Variants in RNF144B observed in about 807,000 individuals in gnomAD.
RNF144B encodes the protein ring finger protein 144B.
In RNF144B, 25 loss-of-function variants were observed where a neutral mutation model predicts 40.2. That is an observed-to-expected ratio of 0.62 (90% confidence interval 0.45 to 0.87). The LOEUF (loss-of-function observed/expected upper bound fraction) is 0.87. Ranked by LOEUF, RNF144B falls within the 40% of genes least tolerant of loss-of-function variation. RNF144B has a pLI of 0.00. For synonymous variants in RNF144B, 145 were observed against 136.3 expected (o/e 1.06, Z -0.44); for missense variants, 365 against 373.7 (o/e 0.98, Z 0.19).
chr6:18,427,628 T>A lies in RNF144B; in HGVS notation c.213T>A (p.Ser71=). The change falls in exon 3 of 8, where the codon TCT becomes TCA. Residue 71 remains serine (S), a synonymous_variant. Transcript: ENST00000259939. ...TGGCAATCCGAGAAGGATGTGGGTC[T>A]CCCATCACTTGCCCTGACATGGTGT... ...MQLAIREGCG[S]PITCPDMVCL... 6.2e-7 allele frequency: 1 copy of A among 1,613,816 alleles called. No homozygotes were observed. The highest frequency in any genetic ancestry group is 1.3e-5 in the African/African-American group (1 of 75,024).
At chr6:18,408,938 GT>G (rs3078245) in intron 2 of RNF144B, among the ~76,000 whole-genome samples, 7,008 of 143,724 alleles carry the variant, frequency 0.049, 203 homozygotes, top group South Asian at 0.15. Context: ...CCAGAAAAGT[GT>G]TTTTTTTTTT....
intron 1 of RNF144B, among the ~76,000 whole-genome samples, chr6:18,394,867 G>C (rs1208837985): frequency 6.6e-6 from 1 of 152,160 alleles, no homozygotes; most frequent in Non-Finnish European, 1.5e-5. Flanking sequence ...TAGAACTGCT[G>C]GTTCTCCTTT....
rs191993918 is a variant in RNF144B at position 18,466,403 on chromosome 6, G to A, written c.*1336G>A. On this transcript the variant is annotated 3_prime_UTR_variant, in exon 8 of 8. Coordinates refer to ENST00000259939, the MANE Select transcript of RNF144B (RefSeq NM_182757.4). ...TCTGTTTCAAGGCACTGATAAAACC[G>A]CAACAAAAACATGTAAGAAATAAAA... 20 of 151,958 alleles carry A rather than the reference G, an allele frequency of 1.3e-4. No individual in the cohort carries two copies. The highest frequency in any genetic ancestry group is 4.1e-4 in the South Asian group (2 of 4,828). The allele number at this position is 151,958 out of a possible 1,614,324, so 9.4% of individuals were successfully genotyped here.
chr6:18,401,007 C>T lies in RNF144B; in HGVS notation c.165+1308C>T, dbSNP rs528809713. Among the ~76,000 whole-genome samples, 3 of 152,272 alleles carry T rather than the reference C, an allele frequency of 2.0e-5. No individual in the cohort carries two copies. The East Asian group carries it at 5.8e-4, about 29-fold the overall frequency. On this transcript the variant is annotated intron_variant, in intron 2 of 7. Coordinates refer to ENST00000259939, the MANE Select transcript of RNF144B (RefSeq NM_182757.4). ...GTCTTGCTTTGTTTCTGAAGGCTGT[C>T]CTTCAAAACAATTATTTCTCTGACT...
At chr6:18,433,585 T>C (rs921861347) in intron 3 of RNF144B, among the ~76,000 whole-genome samples, 5 of 152,166 alleles carry the variant, frequency 3.3e-5, no homozygotes, top group East Asian at 1.9e-4. Flanking sequence ...GGATGATATA[T>C]GGAAAGATGA....
intron 2 of RNF144B, among the ~76,000 whole-genome samples, chr6:18,421,271 T>TAC (rs200527921): frequency 0.05 from 6,553 of 130,830 alleles, 201 homozygotes; most frequent in Admixed American, 0.064. Flanking sequence ...AATTATATAT[T>TAC]ATACACACAC....
intron 1 of RNF144B, among the ~76,000 whole-genome samples, chr6:18,387,996 C>T (rs1477400098): frequency 1.3e-5 from 2 of 152,108 alleles, no homozygotes; most frequent in Non-Finnish European, 2.9e-5. Flanking sequence ...GCTAATGAAA[C>T]AGTGAAACTC....
chr6:18,461,500 A>C (rs1422826712), intron 6 of RNF144B, among the ~76,000 whole-genome samples: 1 of 152,198 alleles, frequency 6.6e-6, no homozygotes, highest in African/African-American at 2.4e-5. Flanking sequence ...AGGAGGCCAG[A>C]GTGTAAGGGA....
chr6:18,451,127 G>T, intron 4 of RNF144B, among the ~76,000 whole-genome samples: 1 of 152,048 alleles, frequency 6.6e-6, no homozygotes. Flanking sequence ...TATCTCATGG[G>T]ATGCACTGTC....
Position 18,457,792 on chromosome 6 carries a change from CACA to C in RNF144B, c.536+438_536+440del, listed in dbSNP as rs373723631. Reference sequence around the variant, plus strand: ...TGTGTGACAGTCATATTAGAAAGAACACAACAATAGAAACAACGGTCCTAAATT... The same window carrying C: ...TGTGTGACAGTCATATTAGAAAGAACACAATAGAAACAACGGTCCTAAATT... On this transcript the variant is annotated intron_variant, in intron 5 of 7. Transcript: ENST00000259939. The surrounding 1 kb of genome is among the most constrained non-coding windows in gnomAD (Gnocchi z 5.1). Among the ~76,000 whole-genome samples, 80 of 152,250 alleles carry C rather than the reference CACA, an allele frequency of 5.3e-4. No individual in the cohort carries two copies. Among genetic ancestry groups the C allele is most frequent in the African/African-American group, 1.6e-3 (68 of 41,552 alleles).
chr6:18,399,715 T>C lies in RNF144B; in HGVS notation c.165+16T>C. On this transcript the variant is annotated intron_variant, in intron 2 of 7. Coordinates refer to ENST00000259939, the MANE Select transcript of RNF144B (RefSeq NM_182757.4). ...TTGCACAGCTGTGAGTTTTCCTTGA[T>C]GCTTTCACTATGAGAAAATACAAAG... 2.5e-6 allele frequency: 4 copies of C among 1,592,786 alleles called. No homozygotes were observed. The highest frequency in any genetic ancestry group is 2.6e-6 in the Non-Finnish European group (3 of 1,161,880).
intron 2 of RNF144B, among the ~76,000 whole-genome samples, chr6:18,417,267 G>A (rs899325582): frequency 1.3e-5 from 2 of 152,114 alleles, no homozygotes; most frequent in African/African-American, 4.8e-5. Flanking sequence ...ACCTAGAATG[G>A]TGAAACAATC....
Position 18,442,341 on chromosome 6 carries a change from T to C in RNF144B, c.331+2597T>C, listed in dbSNP as rs1758982989. ...CAAATTGATGAAATAGTTTTATTCA[T>C]ACATGGAATTTATTTTTTTCTCACG... On this transcript the variant is annotated intron_variant, in intron 4 of 7. Transcript: ENST00000259939. The surrounding 1 kb of genome is among the most constrained non-coding windows in gnomAD (Gnocchi z 4.3). Among the ~76,000 whole-genome samples the C allele has an allele frequency of 6.6e-6, 1 of 152,360 alleles. No individual in the cohort carries two copies. The highest frequency in any genetic ancestry group is 2.1e-4 in the South Asian group (1 of 4,830).
rs1758533069 is a variant in RNF144B, at chr6:18,425,649, A to T, written c.166-1932A>T. Reference sequence around the variant, plus strand: ...AAGTCAGGGTTAAAACACAGTAATTATATGGCGGTCAAGTGCAAGAGAGGA... The same window carrying T: ...AAGTCAGGGTTAAAACACAGTAATTTTATGGCGGTCAAGTGCAAGAGAGGA... On this transcript the variant is annotated intron_variant, in intron 2 of 7. Transcript: ENST00000259939. The surrounding 1 kb of genome is among the most constrained non-coding windows in gnomAD (Gnocchi z 4.2). 6.6e-6 allele frequency among the ~76,000 whole-genome samples: 1 copy of T among 152,132 alleles called. No homozygotes were observed.
rs1178717947 is a variant in RNF144B, at chr6:18,443,143, A to C, written c.331+3399A>C. The stretch of plus-strand genomic sequence containing the variant: ...TAATTTAAATATAAATTTAATAGAC[A>C]TCTTACTGTCATAAAGTATTGCAGT... On this transcript the variant is annotated intron_variant, in intron 4 of 7. Coordinates refer to ENST00000259939, the MANE Select transcript of RNF144B (RefSeq NM_182757.4). The surrounding 1 kb of genome is among the most constrained non-coding windows in gnomAD (Gnocchi z 4.7). Among the ~76,000 whole-genome samples, 1 of 152,232 alleles carries C rather than the reference A, an allele frequency of 6.6e-6. No individual in the cohort carries two copies. The highest frequency in any genetic ancestry group is 2.4e-5 in the African/African-American group (1 of 41,462).
intron 2 of RNF144B, among the ~76,000 whole-genome samples, chr6:18,407,984 CTTT>C (rs370801682): frequency 7.6e-4 from 101 of 133,578 alleles, no homozygotes; most frequent in Non-Finnish European, 1.1e-3. Context: ...CTTTCTTTTT[CTTT>C]TTTTTTTTTT....
chr6:18,404,824 C>G (rs766572765), intron 2 of RNF144B, among the ~76,000 whole-genome samples: 2 of 152,156 alleles, frequency 1.3e-5, no homozygotes, highest in Non-Finnish European at 2.9e-5. Flanking sequence ...TTGCTTACTT[C>G]CAAGAACATA....
intron 2 of RNF144B, among the ~76,000 whole-genome samples, chr6:18,404,234 A>C (rs775344266): frequency 6.6e-6 from 1 of 152,236 alleles, no homozygotes; most frequent in African/African-American, 2.4e-5. Context: ...ATTAGGAGAA[A>C]GTAATGCCAC....
At chr6:18,430,739 G>A (rs1019747266) in intron 3 of RNF144B, among the ~76,000 whole-genome samples, 36 of 151,478 alleles carry the variant, frequency 2.4e-4, no homozygotes, top group Non-Finnish European at 4.4e-4. Context: ...GCCTCCCAAA[G>A]TTCTGGGATT....
Sources: gnomAD v4.1 joint callset for allele counts (sites outside exome capture counted in the v4.1 genomes callset) on GRCh38, gnomAD v4.1.1 for gene constraint, Gnocchi (gnomAD v3.1) non-coding constraint, MANE v1.5 for transcripts, NCBI Gene and HGNC (gene_info 2026-07-23, HGNC 2026-07-21) for gene names.